The following AP5M1 variants were observed in gnomAD, a reference collection of about 807,000 sequenced individuals.
The protein encoded by AP5M1 is adaptor related protein complex 5 subunit mu 1.
Under a neutral mutation model 52.3 loss-of-function variants are expected in AP5M1, and 44 were observed. That is an observed-to-expected ratio of 0.84 (90% CI 0.66 to 1.08). The LOEUF (loss-of-function observed/expected upper bound fraction) is 1.08. AP5M1 is among the 50% of genes least tolerant of loss of function. The pLI, the probability that AP5M1 is intolerant of heterozygous loss-of-function variation, is 0.00. For synonymous variants in AP5M1, 213 were observed against 199.0 expected (o/e 1.07, Z -0.59); for missense variants, 526 against 568.4 (o/e 0.93, Z 0.76).
At chr14:57,283,576 C>T (rs868052345) in intron 6 of AP5M1, among the ~76,000 whole-genome samples, 7 of 151,984 alleles carry the variant, frequency 4.6e-5, no homozygotes, top group East Asian at 3.9e-4. Flanking sequence ...CAACAGAGTG[C>T]GACCAGATCT....
Position 57,282,373 on chromosome 14 carries a change from T to C in AP5M1, c.1088+145T>C. ...TAAATGAATGCTGATTTTCATGATA[T>C]AGTCATAAAAATAATCTGTTTACCT... On this transcript the variant is annotated intron_variant, in intron 4 of 7. Coordinates refer to ENST00000261558, the MANE Select transcript of AP5M1 (RefSeq NM_018229.4). 2 of 580,874 alleles carry C rather than the reference T, an allele frequency of 3.4e-6. 1 individual carries two copies. Among genetic ancestry groups the C allele is most frequent in the Non-Finnish European group, 5.3e-6 (2 of 373,842 alleles). 36.0% of individuals were successfully genotyped at this position (580,874 alleles called of 1,614,324 possible). A position where few individuals can be genotyped will look rare whatever the true frequency, so the allele number is the denominator to read the frequency against.
At chr14:57,286,383 G>A in intron 7 of AP5M1, 64 bp downstream of exon 7, 2 of 1,043,220 alleles carry the variant, frequency 1.9e-6, no homozygotes, top group South Asian at 1.3e-5. Flanking sequence ...TATTACCTAA[G>A]GTAAAATTTG....
chr14:57,281,921 A>G (rs1209541092), intron 3 of AP5M1, among the ~76,000 whole-genome samples, 168 bp from the exon 4 acceptor site: 1 of 152,154 alleles, frequency 6.6e-6, no homozygotes. Context: ...TCCGAAAACA[A>G]AGAGAGAAGA....
In AP5M1 at chr14:57,274,525, G is replaced by T. The variant is rs767086450; in HGVS notation, c.356G>T (p.Arg119Leu). The change falls in exon 2 of 8, where the codon CGT becomes CTT. Residue 119 changes from arginine to leucine, a missense_variant. Transcript: ENST00000261558. Reference protein sequence around the residue: ...VPLVEQTLSPRPPLISVSGVS... With the variant: ...VPLVEQTLSPLPPLISVSGVS... The stretch of plus-strand genomic sequence containing the variant: ...CTAGTTGAACAAACTCTGTCCCCTC[G>T]TCCGCCACTAATTAGTGTCAGTGGA... 1 of 1,614,044 alleles carries T rather than the reference G, an allele frequency of 6.2e-7. No individual in the cohort carries two copies. Among genetic ancestry groups the T allele is most frequent in the East Asian group, 2.2e-5 (1 of 44,884 alleles).
intron 2 of AP5M1, chr14:57,275,426 A>G (rs1418449614): frequency 7.1e-6 from 1 of 140,870 alleles, no homozygotes; most frequent in South Asian, 2.1e-4. Flanking sequence ...GAGAGGAGAG[A>G]GAGAGAGAGA....
rs1272538640 is a variant in AP5M1 at position 57,291,863 on chromosome 14, G to A, written c.*2979G>A. 6.6e-6 allele frequency: 1 copy of A among 151,722 alleles called. No individual in the cohort carries two copies. The highest frequency in any genetic ancestry group is 1.5e-5 in the Non-Finnish European group (1 of 67,774). 9.4% of individuals were successfully genotyped at this position (151,722 alleles called of 1,614,324 possible). ...TACACTACCCCTGGGAGCTAGGTAGGTGGAATTATCATCCAGGCCTTCTGT... is the reference window on the plus strand; with the variant it reads ...TACACTACCCCTGGGAGCTAGGTAGATGGAATTATCATCCAGGCCTTCTGT... On this transcript the variant is annotated 3_prime_UTR_variant, in exon 8 of 8. Coordinates refer to ENST00000261558, the MANE Select transcript of AP5M1 (RefSeq NM_018229.4).
At chr14:57,281,503 T>C (rs1293275255) in intron 3 of AP5M1, among the ~76,000 whole-genome samples, 1 of 152,350 alleles carries the variant, frequency 6.6e-6, no homozygotes, top group East Asian at 1.9e-4. Context: ...CAGCCTGTAC[T>C]CAAGGTCCAC....
rs942326578 is a variant in AP5M1 at position 57,295,724 on chromosome 14, AAAAG to A, written c.*6848_*6851del. 17 of 151,860 alleles carry A rather than the reference AAAAG, an allele frequency of 1.1e-4. No homozygotes were observed. The highest frequency in any genetic ancestry group is 2.2e-4 in the African/African-American group (9 of 41,396). The allele number at this position is 151,860 out of a possible 1,614,324, so 9.4% of individuals were successfully genotyped here. A position where few individuals can be genotyped will look rare whatever the true frequency, so the allele number is the denominator to read the frequency against. On this transcript the variant is annotated 3_prime_UTR_variant, in exon 8 of 8. Coordinates refer to ENST00000261558, the MANE Select transcript of AP5M1 (RefSeq NM_018229.4). ...TAGGAAATATATTCCATTAAAAAAA[AAAAG>A]AAAGAAACTCATTTATTTATTTATT...
intron 7 of AP5M1, among the ~76,000 whole-genome samples, chr14:57,288,037 C>A (rs1885349020): frequency 6.6e-6 from 1 of 152,076 alleles, no homozygotes; most frequent in Non-Finnish European, 1.5e-5. Flanking sequence ...TAACAGTATG[C>A]TGTCTTGCCT....
chr14:57,287,482 A>G (rs1283418434), intron 7 of AP5M1, among the ~76,000 whole-genome samples: 1 of 152,110 alleles, frequency 6.6e-6, no homozygotes, highest in African/African-American at 2.4e-5. Flanking sequence ...TATATATGAG[A>G]GACTGAAAGC....
chr14:57,269,015 C>T lies in AP5M1; in HGVS notation c.-300C>T. 1 of 552,738 alleles carries T rather than the reference C, an allele frequency of 1.8e-6. No individual in the cohort carries two copies. Among genetic ancestry groups the T allele is most frequent in the South Asian group, 2.4e-5 (1 of 41,146 alleles). The allele number at this position is 552,738 out of a possible 1,614,324, so 34.2% of individuals were successfully genotyped here. A position where few individuals can be genotyped will look rare whatever the true frequency, so the allele number is the denominator to read the frequency against. ...ATGAGGAACTTTGATCCTTGCGGGC[C>T]ACCATTCCGGAAGTAGAATTTAGAG... On this transcript the variant is annotated 5_prime_UTR_variant, in exon 1 of 8. Transcript: ENST00000261558.
Position 57,274,800 on chromosome 14 carries a change from A to C in AP5M1, c.631A>C (p.Ile211Leu), listed in dbSNP as rs1433395511. 6.2e-7 allele frequency: 1 copy of C among 1,614,180 alleles called. No homozygotes were observed. The highest frequency in any genetic ancestry group is 1.1e-5 in the South Asian group (1 of 91,086). Reference sequence around the variant, plus strand: ...GTACAAAGGAAAACCACAAGTTTCTATTTCTATCACTGAAAAGGTAAAATC... The same window carrying C: ...GTACAAAGGAAAACCACAAGTTTCTCTTTCTATCACTGAAAAGGTAAAATC... ...GTYKGKPQVS[I>L]SITEKVKSMQ... Residue 211 changes from isoleucine to leucine, a missense_variant, in exon 2 of 8, where the codon ATT becomes CTT. By Grantham distance (5) the Ile-to-Leu change is conservative (BLOSUM62 2). Coordinates refer to ENST00000261558, the MANE Select transcript of AP5M1 (RefSeq NM_018229.4).
intron 2 of AP5M1, among the ~76,000 whole-genome samples, chr14:57,276,465 A>G (rs1298013147): frequency 6.6e-6 from 1 of 152,128 alleles, no homozygotes; most frequent in Non-Finnish European, 1.5e-5. Context: ...AATCCCAGCT[A>G]TTCAGGAGGC....
chr14:57,270,711 G>A (rs1884872008), intron 1 of AP5M1, among the ~76,000 whole-genome samples: 2 of 152,010 alleles, frequency 1.3e-5, no homozygotes, highest in South Asian at 4.1e-4. Context: ...TATTCCCTTT[G>A]GTTACCTATT....
chr14:57,292,515 A>G lies in AP5M1; in HGVS notation c.*3631A>G, dbSNP rs1381912280. On this transcript the variant is annotated 3_prime_UTR_variant, in exon 8 of 8. Transcript: ENST00000261558. ...AAGTTAGAAAGTCAATTGAATACCA[A>G]ATGAAGTTTATTTCTTACGTAATAG... 1 of 151,872 alleles carries G rather than the reference A, an allele frequency of 6.6e-6. No individual in the cohort carries two copies. Among genetic ancestry groups the G allele is most frequent in the East Asian group, 1.9e-4 (1 of 5,196 alleles). The allele number at this position is 151,872 out of a possible 1,614,324, so 9.4% of individuals were successfully genotyped here.
chr14:57,282,712 C>G (rs1475470409), intron 4 of AP5M1, among the ~76,000 whole-genome samples: 1 of 152,108 alleles, frequency 6.6e-6, no homozygotes, highest in East Asian at 1.9e-4. Flanking sequence ...TCATAGTTGT[C>G]TTAAGGATTA....
In AP5M1 at chr14:57,286,173, T is replaced by A. The variant is rs149552658; in HGVS notation, c.1294-50T>A. 4.3e-4 allele frequency: 547 copies of A among 1,266,170 alleles called. 2 individuals carry two copies. The African/African-American group carries it at 7.1e-3, about 17-fold the overall frequency. 78.4% of individuals were successfully genotyped at this position (1,266,170 alleles called of 1,614,324 possible). On this transcript the variant is annotated intron_variant, in intron 6 of 7. Coordinates refer to ENST00000261558, the MANE Select transcript of AP5M1 (RefSeq NM_018229.4). ...GTTAAGGGAAAAAATGTAACCATGC[T>A]TTTTACCAAATAATCACCTTAATTT...
rs888170072 is a variant in AP5M1 at position 57,288,914 on chromosome 14, T to G, written c.*30T>G. 1 of 1,270,840 alleles carries G rather than the reference T, an allele frequency of 7.9e-7. No individual in the cohort carries two copies. The highest frequency in any genetic ancestry group is 1.5e-5 in the African/African-American group (1 of 65,906). The allele number at this position is 1,270,840 out of a possible 1,614,324, so 78.7% of individuals were successfully genotyped here. A position where few individuals can be genotyped will look rare whatever the true frequency, so the allele number is the denominator to read the frequency against. On this transcript the variant is annotated 3_prime_UTR_variant, in exon 8 of 8. Coordinates refer to ENST00000261558, the MANE Select transcript of AP5M1 (RefSeq NM_018229.4). The stretch of plus-strand genomic sequence containing the variant: ...CTCATGTTTAAATGGGATTATATAA[T>G]GATAACAGTTTAAAGAAAATCATAA...
At chr14:57,281,526 AT>A (rs1452737256) in intron 3 of AP5M1, among the ~76,000 whole-genome samples, 19 of 152,256 alleles carry the variant, frequency 1.2e-4, no homozygotes, top group Non-Finnish European at 2.1e-4. Flanking sequence ...TGTCTGTCAC[AT>A]CTCTGCTTCT....
Sources: gnomAD v4.1 joint callset for allele counts (sites outside exome capture counted in the v4.1 genomes callset) on GRCh38, gnomAD v4.1.1 for gene constraint, MANE v1.5 for transcripts, NCBI Gene and HGNC (gene_info 2026-07-23, HGNC 2026-07-21) for gene names.